GMPR2: variants seen among roughly 807,000 people sequenced by gnomAD.
GMPR2 encodes guanosine monophosphate reductase 2, also known as GMP reductase 2.
Under a neutral mutation model 38.5 loss-of-function variants are expected in GMPR2, and 32 were observed. That is an observed-to-expected ratio of 0.83 (90% CI 0.63 to 1.12). GMPR2 has a LOEUF of 1.12. Among genes scored for constraint, GMPR2 ranks in the 50% most tolerant of loss-of-function variants. The probability of loss-of-function intolerance (pLI) is 0.00; values close to 1 mark genes in which losing one functional copy is unlikely to be tolerated. For synonymous variants in GMPR2, 154 were observed against 151.0 expected (o/e 1.02, Z -0.15); for missense variants, 396 against 432.1 (o/e 0.92, Z 0.74).
chr14:24,238,711 T>G lies in GMPR2; in HGVS notation c.980T>G (p.Leu327Trp). ...GTGGGAGCAGCTAAGCTCAAAGAGT[T>G]GAGCAGGAGAACTACCTTCATCCGA... ...TYVGAAKLKE[L>W]SRRTTFIRVT... Residue 327 changes from leucine to tryptophan, a missense_variant, in exon 10 of 10, where the codon TTG becomes TGG. Coordinates refer to ENST00000399440, the MANE Select transcript of GMPR2 (RefSeq NM_001002002.3). The G allele has an allele frequency of 1.2e-6, 2 of 1,613,986 alleles. No homozygotes were observed. The highest frequency in any genetic ancestry group is 1.7e-6 in the Non-Finnish European group (2 of 1,179,948).
chr14:24,238,970 G>A lies in GMPR2; in HGVS notation c.*192G>A, dbSNP rs1566362876. 5.9e-6 allele frequency: 4 copies of A among 673,834 alleles called. No individual in the cohort carries two copies. Among genetic ancestry groups the A allele is most frequent in the Non-Finnish European group, 1.1e-5 (4 of 367,810 alleles). 41.7% of individuals were successfully genotyped at this position (673,834 alleles called of 1,614,324 possible). On this transcript the variant is annotated 3_prime_UTR_variant, in exon 10 of 10. Coordinates refer to ENST00000399440, the MANE Select transcript of GMPR2 (RefSeq NM_001002002.3). ...CAAAATGCCCAAGGCACTCACTGGGGAGGAAGCAAGGAAGCAAACAGTCTG... is the reference window on the plus strand; with the variant it reads ...CAAAATGCCCAAGGCACTCACTGGGAAGGAAGCAAGGAAGCAAACAGTCTG...
rs745593751 is a variant in GMPR2 at position 24,233,602 on chromosome 14, G to T, written c.207+4G>T. On this transcript the variant is annotated splice_donor_region_variant and intron_variant, in intron 3 of 9. Transcript: ENST00000399440. ...GATGGCCAAGGTTCTCTGTAAGGTA[G>T]GGCTTTCCTCATGCCCCATCCCTAT... 6.2e-7 allele frequency: 1 copy of T among 1,614,122 alleles called. No individual in the cohort carries two copies. The highest frequency in any genetic ancestry group is 8.5e-7 in the Non-Finnish European group (1 of 1,180,012).
chr14:24,233,092 C>A, intron 1 of GMPR2, 115 bp downstream of exon 1: 1 of 1,214,536 alleles, frequency 8.2e-7, no homozygotes, highest in Non-Finnish European at 1.2e-6. Flanking sequence ...GTCGAGGTGA[C>A]AGGCTTCAGG....
At chr14:24,236,731 C>T (rs941547790) in intron 5 of GMPR2, among the ~76,000 whole-genome samples, 4 of 152,212 alleles carry the variant, frequency 2.6e-5, no homozygotes, top group East Asian at 3.8e-4. Flanking sequence ...CAGTAGTTCC[C>T]TTTGCCTCAC....
chr14:24,235,638 C>A, intron 3 of GMPR2, 99 bp from the exon 4 acceptor site: 1 of 844,650 alleles, frequency 1.2e-6, no homozygotes, highest in Non-Finnish European at 2.0e-6. Flanking sequence ...TCCTCCCCAA[C>A]TTCAATCATG....
In GMPR2 at chr14:24,237,751, C is replaced by T. The variant is rs565116532; in HGVS notation, c.697+189C>T. 5.0e-5 allele frequency: 31 copies of T among 618,596 alleles called. 1 individual carries two copies. The highest frequency in any genetic ancestry group is 4.8e-4 in the African/African-American group (26 of 54,398). 38.3% of individuals were successfully genotyped at this position (618,596 alleles called of 1,614,324 possible). On this transcript the variant is annotated intron_variant, in intron 8 of 9. Transcript: ENST00000399440. Reference sequence around the variant, plus strand: ...GGACATCTGAGACTCCAAGTGTGGGCCAGGGCCATCTGACCATCTCCTAGA... The same window carrying T: ...GGACATCTGAGACTCCAAGTGTGGGTCAGGGCCATCTGACCATCTCCTAGA...
rs2040331480 is a variant in GMPR2, at chr14:24,236,127, AG to A, written c.453del (p.Gln151HisfsTer10). 1 of 1,613,588 alleles carries A rather than the reference AG, an allele frequency of 6.2e-7. No individual in the cohort carries two copies. The highest frequency in any genetic ancestry group is 8.5e-7 in the Non-Finnish European group (1 of 1,179,660). On this transcript the variant is annotated frameshift_variant, in exon 5 of 10. Transcript: ENST00000399440. LOFTEE classifies it high-confidence loss of function. ...AAAGATGTACGGAAGCGCTTCCCCC[AG>A]CACACCATCATGGTATGTTTCTATT... ...FVKDVRKRFP[Q>X]HTIMAGNVVT... is the part of the protein sequence containing the mutation.
intron 3 of GMPR2, chr14:24,234,340 G>A (rs2040235976): frequency 1.5e-6 from 1 of 648,472 alleles, no homozygotes; most frequent in African/African-American, 1.9e-5. Flanking sequence ...GGCTCCATTA[G>A]TCTTAAGGAC....
upstream of GMPR2, chr14:24,232,745 G>A (rs2040102574): frequency 8.7e-6 from 2 of 229,894 alleles, no homozygotes; most frequent in South Asian, 1.1e-4. Flanking sequence ...GCAACTAGAG[G>A]AACCTGTTGG....
rs781445465 is a variant in GMPR2, at chr14:24,236,085, A to G, written c.410A>G (p.His137Arg). The G allele has an allele frequency of 6.2e-7, 1 of 1,614,104 alleles. No homozygotes were observed. Among genetic ancestry groups the G allele is most frequent in the Admixed American group, 1.7e-5 (1 of 60,028 alleles). ...GATGTGGCAAATGGCTACTCTGAACACTTTGTTGAATTTGTAAAAGATGTA... is the reference window on the plus strand; with the variant it reads ...GATGTGGCAAATGGCTACTCTGAACGCTTTGTTGAATTTGTAAAAGATGTA... The part of the protein sequence containing the change: ...CLDVANGYSE[H>R]FVEFVKDVRK... The change falls in exon 5 of 10, where the codon CAC (histidine) becomes CGC (arginine). Residue 137 changes from histidine to arginine, a missense_variant. Transcript: ENST00000399440.
At chr14:24,233,152 GC>G (rs768282317) in intron 1 of GMPR2, 66 bp from the exon 2 acceptor site, 1 of 1,607,416 alleles carries the variant, frequency 6.2e-7, no homozygotes, top group Non-Finnish European at 8.5e-7. Context: ...GCGAAGAGAG[GC>G]CACCAGCCGT....
chr14:24,238,434 A>G, intron 9 of GMPR2, 29 bp downstream of exon 9: 1 of 1,614,016 alleles, frequency 6.2e-7, no homozygotes, highest in East Asian at 2.2e-5. Context: ...GAGCTTAGTA[A>G]TAGTATGGAG....
In GMPR2 at chr14:24,238,965, C is replaced by G. The variant is rs1296915173; in HGVS notation, c.*187C>G. The G allele has an allele frequency of 2.9e-6, 2 of 680,346 alleles. No individual in the cohort carries two copies. The highest frequency in any genetic ancestry group is 5.4e-6 in the Non-Finnish European group (2 of 372,168). The allele number at this position is 680,346 out of a possible 1,614,324, so 42.1% of individuals were successfully genotyped here. ...ACACACAAAATGCCCAAGGCACTCA[C>G]TGGGGAGGAAGCAAGGAAGCAAACA... is the stretch of plus-strand genomic sequence containing the variant. On this transcript the variant is annotated 3_prime_UTR_variant, in exon 10 of 10. Transcript: ENST00000399440.
chr14:24,237,048 G>A lies in GMPR2; in HGVS notation c.466-23G>A, dbSNP rs987065283. ...TCCTGTTTCTGGCCCTAAGGATGCT[G>A]TATTTCAATTGCTCTGTCTCAGGCA... On this transcript the variant is annotated intron_variant, in intron 5 of 9. Transcript: ENST00000399440. 2.5e-6 allele frequency: 4 copies of A among 1,583,446 alleles called. No individual in the cohort carries two copies. In the South Asian group the frequency reaches 3.3e-5, roughly 13 times the overall value.
At chr14:24,238,223 TC>T in intron 8 of GMPR2, 22 bp from the exon 9 acceptor site, 1 of 1,593,568 alleles carries the variant, frequency 6.3e-7, no homozygotes, top group Non-Finnish European at 8.6e-7. Context: ...TTAATCTCTT[TC>T]CCCCCTCCAT....
chr14:24,237,827 C>G, intron 8 of GMPR2: 5 of 548,304 alleles, frequency 9.1e-6, no homozygotes, highest in South Asian at 2.6e-5. Flanking sequence ...AAAATAGGCT[C>G]TGAGGAATGG....
chr14:24,235,631 TC>T, intron 3 of GMPR2, 105 bp from the exon 4 acceptor site: 1 of 799,306 alleles, frequency 1.3e-6, no homozygotes, highest in Non-Finnish European at 2.2e-6. Context: ...ACTTGTTTCC[TC>T]CCCAACTTCA....
At chr14:24,237,805 C>G in intron 8 of GMPR2, 1 of 557,360 alleles carries the variant, frequency 1.8e-6, no homozygotes, top group African/African-American at 1.9e-5. Flanking sequence ...TCCTGAGCCC[C>G]AGCCATACCT....
At position 24,237,110 on chromosome 14, in the gene GMPR2, A is replaced by G; in HGVS notation, c.505A>G (p.Ile169Val). 1.9e-6 allele frequency: 3 copies of G among 1,613,500 alleles called. No homozygotes were observed. The South Asian group carries it at 3.3e-5, about 18-fold the overall frequency. ...VVTGEMVEEL[I>V]LSGADIIKVG... is the part of the protein sequence containing the mutation. ...AACAGGAGAGATGGTAGAAGAGCTC[A>G]TCCTTTCTGGGGCTGACATCATCAA... Residue 169 changes from isoleucine (I) to valine (V), a missense_variant, in exon 6 of 10, where the codon ATC becomes GTC. Coordinates refer to ENST00000399440, the MANE Select transcript of GMPR2 (RefSeq NM_001002002.3).
Sources: gnomAD v4.1 joint callset for allele counts (sites outside exome capture counted in the v4.1 genomes callset) on GRCh38, gnomAD v4.1.1 for gene constraint, MANE v1.5 for transcripts, NCBI Gene and HGNC (gene_info 2026-07-23, HGNC 2026-07-21) for gene names.